ATR: variants seen among roughly 807,000 people sequenced by gnomAD.
ATR encodes serine/threonine-protein kinase ATR.
ATR carries 142 observed loss-of-function variants against 305.3 expected under a neutral mutation model. That is an observed-to-expected ratio of 0.47 (90% CI 0.41 to 0.53). ATR has a LOEUF of 0.53. Ranked by LOEUF, ATR falls within the 20% of genes least tolerant of loss-of-function variation. The pLI, the probability that ATR is intolerant of heterozygous loss-of-function variation, is 0.00. For missense variants in ATR, 2,135 were observed against 3,133.1 expected, an observed-to-expected ratio of 0.68 and a Z score of 7.60; for synonymous variants, 1,050 against 1,068.1, an observed-to-expected ratio of 0.98 and a Z score of 0.33.
chr3:142,524,082 C>T lies in ATR; in HGVS notation c.4063G>A (p.Gly1355Arg), dbSNP rs1215446245. Reference protein sequence around the residue: ...DANSQARLLCGECLGELGAID... With the variant: ...DANSQARLLCRECLGELGAID... The stretch of plus-strand genomic sequence containing the variant: ...GCCCCCAATTCCCCTAAACATTCCC[C>T]ACAGAGCAACCGAGCTTGAGAGTTT... The change falls in exon 22 of 47, where the codon GGG (glycine) becomes AGG (arginine). Residue 1355 changes from glycine to arginine, a missense_variant. By Grantham distance (125) the Gly-to-Arg change is moderately radical. Transcript: ENST00000350721. The T allele has an allele frequency of 6.2e-7, 1 of 1,613,984 alleles. No individual in the cohort carries two copies. Among genetic ancestry groups the T allele is most frequent in the Non-Finnish European group, 8.5e-7 (1 of 1,180,024 alleles).
At chr3:142,460,358 C>G (rs1167139877) in intron 42 of ATR, among the ~76,000 whole-genome samples, 1 of 152,126 alleles carries the variant, frequency 6.6e-6, no homozygotes, top group Non-Finnish European at 1.5e-5. Flanking sequence ...TATTCAGTAA[C>G]AGGATCTTTG....
In ATR at chr3:142,526,138, A is replaced by G. The variant is rs2033379597; in HGVS notation, c.3946-1939T>C. ...TTCCTGTTGCTATTGTAAATGGGGTATTCCAAAAAAATTTCTACCTAGTTA... is the reference window on the plus strand; with the variant it reads ...TTCCTGTTGCTATTGTAAATGGGGTGTTCCAAAAAAATTTCTACCTAGTTA... On this transcript the variant is annotated intron_variant, in intron 21 of 46. Transcript: ENST00000350721. Among the ~76,000 whole-genome samples, 3 of 152,110 alleles carry G rather than the reference A, an allele frequency of 2.0e-5. No individual in the cohort carries two copies. In the South Asian group the frequency reaches 6.2e-4, roughly 31 times the overall value.
intron 35 of ATR, among the ~76,000 whole-genome samples, chr3:142,485,878 A>C (rs1411940490): frequency 6.6e-6 from 1 of 152,180 alleles, no homozygotes; most frequent in Non-Finnish European, 1.5e-5. Context: ...TTTCAGCTTC[A>C]GTCTTCACCA....
rs1270715750 is a variant in ATR at position 142,562,921 on chromosome 3, T to C, written c.481A>G (p.Arg161Gly). 2 of 1,613,420 alleles carry C rather than the reference T, an allele frequency of 1.2e-6. No individual in the cohort carries two copies. The highest frequency in any genetic ancestry group is 1.7e-6 in the Non-Finnish European group (2 of 1,179,882). Residue 161 changes from arginine to glycine, a missense_variant, in exon 4 of 47, where the codon AGA (arginine) becomes GGA (glycine). This residue lies in a region of ATR where 744 missense variants were observed against 873.2 expected (regional missense o/e 0.85). Transcript: ENST00000350721. ...ACAGCATGACCCATCACATTTCTTC[T>C]ATGGAGGTAAACCAAGTCTTCAAAA... ...QLFEDLVYLHRRNVMGHAVEW... is the reference protein window; with the variant it reads ...QLFEDLVYLHGRNVMGHAVEW...
intron 13 of ATR, among the ~76,000 whole-genome samples, chr3:142,551,981 A>C (rs2034486401): frequency 6.6e-6 from 1 of 152,162 alleles, no homozygotes; most frequent in Non-Finnish European, 1.5e-5. Context: ...ACAAGAAAAA[A>C]ACAAAAGTGG....
chr3:142,478,037 C>G (rs1233257759), intron 36 of ATR, among the ~76,000 whole-genome samples: 2 of 152,168 alleles, frequency 1.3e-5, no homozygotes, highest in Admixed American at 1.3e-4. Flanking sequence ...TTTCCAAAAA[C>G]CAGCTCCTGG....
chr3:142,517,795 A>C (rs141678315), intron 24 of ATR, among the ~76,000 whole-genome samples: 1 of 152,218 alleles, frequency 6.6e-6, no homozygotes, highest in Non-Finnish European at 1.5e-5. Context: ...TATGAAGTAT[A>C]TGATAGCCAA....
In ATR at chr3:142,498,807, C is replaced by T. The variant is rs765458488; in HGVS notation, c.5381-33G>A. ...ACAAATGAAGAGTCAAGAAATGTCA[C>T]GGTAGCTGGGTCCAAGAGTCAGCTT... On this transcript the variant is annotated intron_variant, in intron 31 of 46. Transcript: ENST00000350721. 4.2e-5 allele frequency: 68 copies of T among 1,606,054 alleles called. No homozygotes were observed. In the Middle Eastern group the frequency reaches 8.2e-4, roughly 19 times the overall value.
At chr3:142,512,556 C>T (rs1033460041) in intron 26 of ATR, 86 bp from the exon 27 acceptor site, 28 of 1,149,446 alleles carry the variant, frequency 2.4e-5, no homozygotes, top group African/African-American at 7.9e-5. Flanking sequence ...CATTCTAAGG[C>T]AAAAATTTTC....
chr3:142,542,616 A>G, intron 17 of ATR, 49 bp downstream of exon 17: 9 of 1,456,974 alleles, frequency 6.2e-6, no homozygotes, highest in Non-Finnish European at 6.7e-6. Context: ...GAATTTATCT[A>G]TATTCTGTAT....
intron 36 of ATR, 145 bp downstream of exon 36, chr3:142,484,995 A>T (rs1428640841): frequency 1.6e-6 from 2 of 1,246,038 alleles, no homozygotes; most frequent in African/African-American, 3.1e-5. Flanking sequence ...CATAAAGGAA[A>T]AATTTACATC....
chr3:142,506,683 T>C (rs1646178664), intron 28 of ATR, among the ~76,000 whole-genome samples: 1 of 151,890 alleles, frequency 6.6e-6, no homozygotes, highest in Non-Finnish European at 1.5e-5. Context: ...CAAGACCCTA[T>C]CTCAAAATAA....
chr3:142,501,351 T>C (rs940173406), intron 30 of ATR, among the ~76,000 whole-genome samples: 1 of 152,180 alleles, frequency 6.6e-6, no homozygotes, highest in Non-Finnish European at 1.5e-5. Context: ...GAGAAACATA[T>C]CCACAACATA....
intron 45 of ATR, among the ~76,000 whole-genome samples, chr3:142,455,250 G>A (rs188751214): frequency 1.0e-3 from 156 of 152,036 alleles, no homozygotes; most frequent in Non-Finnish European, 1.9e-3. Context: ...ACAAAACATT[G>A]ATGAAAAAAA....
chr3:142,574,136 T>C (rs1413914156), intron 1 of ATR, among the ~76,000 whole-genome samples: 2 of 152,146 alleles, frequency 1.3e-5, no homozygotes, highest in Admixed American at 1.3e-4. Flanking sequence ...TAGAAAAATG[T>C]AAATTGATTA....
chr3:142,536,465 C>T (rs2033864933), intron 19 of ATR, among the ~76,000 whole-genome samples: 2 of 152,214 alleles, frequency 1.3e-5, no homozygotes, highest in African/African-American at 4.8e-5. Context: ...ACAGTCCCTT[C>T]CTCTTCAAGC....
intron 1 of ATR, 53 bp from the exon 2 acceptor site, chr3:142,568,207 C>CA (rs1041553540): frequency 1.5e-4 from 210 of 1,440,936 alleles, no homozygotes; most frequent in Middle Eastern, 1.8e-4. Flanking sequence ...GTTTCATTTG[C>CA]AAAAAAAATT....
chr3:142,452,232 T>C, intron 46 of ATR: 1 of 995,872 alleles, frequency 1.0e-6, no homozygotes, highest in Non-Finnish European at 1.2e-6. Context: ...ACTCTTTAGG[T>C]AGTTAACTGG....
intron 25 of ATR, among the ~76,000 whole-genome samples, chr3:142,514,710 G>GTA: frequency 6.6e-6 from 1 of 150,878 alleles, no homozygotes; most frequent in South Asian, 2.1e-4. Flanking sequence ...AGGAGGCTGA[G>GTA]GCGGGAGAAT....
Sources: gnomAD v4.1 joint callset for allele counts (sites outside exome capture counted in the v4.1 genomes callset) on GRCh38, gnomAD v4.1.1 for gene constraint, gnomAD v4.1.1 regional missense constraint, MANE v1.5 for transcripts, NCBI Gene and HGNC (gene_info 2026-07-23, HGNC 2026-07-21) for gene names.